TNIP2: variants seen among roughly 807,000 people sequenced by gnomAD.
The protein encoded by TNIP2 is TNFAIP3 interacting protein 2.
Under a neutral mutation model 43.7 loss-of-function variants are expected in TNIP2, and 30 were observed. That is an observed-to-expected ratio of 0.69 (90% CI 0.51 to 0.93). TNIP2 has a LOEUF of 0.93. TNIP2 is among the 40% of genes least tolerant of loss of function. The probability of loss-of-function intolerance (pLI) is 0.00; values close to 1 mark genes in which losing one functional copy is unlikely to be tolerated. For missense variants in TNIP2, 599 were observed against 591.0 expected, an observed-to-expected ratio of 1.01 and a Z score of -0.14; for synonymous variants, 260 against 254.6, an observed-to-expected ratio of 1.02 and a Z score of -0.20.
Position 2,742,358 on chromosome 4 carries a change from G to A in TNIP2, c.1189C>T (p.Gln397Ter). ...PAEGGHPGAA[Q>*]RGQGDLQCPH... is the part of the protein sequence containing the mutation. ...CACTGAAGGTCCCCCTGGCCTCTCT[G>A]GGCCGCGCCAGGATGCCCGCCCTCT... The change falls in exon 6 of 6, where the codon CAG (glutamine) becomes TAG (stop). Residue 397 changes from glutamine (Q) to a stop codon, truncating the protein, a stop_gained. Transcript: ENST00000315423. LOFTEE classifies it high-confidence loss of function. 1 of 1,599,294 alleles carries A rather than the reference G, an allele frequency of 6.3e-7. No individual in the cohort carries two copies. Among genetic ancestry groups the A allele is most frequent in the East Asian group, 2.3e-5 (1 of 43,998 alleles).
rs1354981294 is a variant in TNIP2, at chr4:2,744,035, G to A, written c.1026+352C>T. ...ATCACATCTACATGACAAGGTAAGCGGGGTTCCCGTCTCACAGACAGGTCA... is the reference window on the plus strand; with the variant it reads ...ATCACATCTACATGACAAGGTAAGCAGGGTTCCCGTCTCACAGACAGGTCA... On this transcript the variant is annotated intron_variant, in intron 5 of 5. Coordinates refer to ENST00000315423, the MANE Select transcript of TNIP2 (RefSeq NM_024309.4). This position sits in a 1 kb window ranked among gnomAD's most constrained non-coding sequence, Gnocchi z 5.1. Among the ~76,000 whole-genome samples, 4 of 152,204 alleles carry A rather than the reference G, an allele frequency of 2.6e-5. No individual in the cohort carries two copies. The highest frequency in any genetic ancestry group is 4.4e-5 in the Non-Finnish European group (3 of 68,038).
chr4:2,750,261 C>T (rs2109489657), intron 1 of TNIP2, among the ~76,000 whole-genome samples: 1 of 152,254 alleles, frequency 6.6e-6, no homozygotes, highest in East Asian at 1.9e-4. Context: ...GGAGCCCAAG[C>T]TTCCCCCAGA....
chr4:2,743,068 T>C (rs1255610381), intron 5 of TNIP2, among the ~76,000 whole-genome samples: 1 of 152,186 alleles, frequency 6.6e-6, no homozygotes, highest in African/African-American at 2.4e-5. Flanking sequence ...CTGCAGCCTG[T>C]GGCCCTCACT....
chr4:2,747,838 C>T lies in TNIP2; in HGVS notation c.384G>A (p.Arg128=). 6.2e-7 allele frequency: 1 copy of T among 1,613,758 alleles called. No individual in the cohort carries two copies. Among genetic ancestry groups the T allele is most frequent in the Non-Finnish European group, 8.5e-7 (1 of 1,180,048 alleles). The change falls in exon 2 of 6, where the codon AGG becomes AGA. Residue 128 remains arginine, a synonymous_variant. Transcript: ENST00000315423. The part of the protein sequence containing the change: ...EREKEVVLLR[R]SMAEGERARA... ...GGGCGCGCTCCCCTTCTGCCATGCT[C>T]CTCCGTAGCAGGACGACTTCCTTCT... is the stretch of plus-strand genomic sequence containing the variant.
Position 2,742,157 on chromosome 4 carries a change from T to C in TNIP2, c.*100A>G. On this transcript the variant is annotated 3_prime_UTR_variant, in exon 6 of 6. Transcript: ENST00000315423. The stretch of plus-strand genomic sequence containing the variant: ...CCGCAACTATTCTAGGGGCCTTGGC[T>C]CTCAGTAGAGCTCAACCCATGGCAT... 2.5e-6 allele frequency: 3 copies of C among 1,216,612 alleles called. No homozygotes were observed. The highest frequency in any genetic ancestry group is 3.2e-6 in the Non-Finnish European group (3 of 931,352). The allele number at this position is 1,216,612 out of a possible 1,614,324, so 75.4% of individuals were successfully genotyped here.
At position 2,747,759 on chromosome 4, in the gene TNIP2, G is replaced by A. The variant is rs141461185; in HGVS notation, c.463C>T (p.Arg155Trp). The A allele has an allele frequency of 1.4e-4, 230 of 1,610,476 alleles. No individual in the cohort carries two copies. Among genetic ancestry groups the A allele is most frequent in the Non-Finnish European group, 1.7e-4 (203 of 1,180,026 alleles). ...TGGGCGGTGGCGGTCAGCGTCCTCC[G>A]CAGCTGATGGGTCTCGTTGGCCAAG... Reference protein sequence around the residue: ...RSLANETHQLRRTLTATAHMC... With the variant: ...RSLANETHQLWRTLTATAHMC... The change falls in exon 2 of 6, where the codon CGG becomes TGG. Residue 155 changes from arginine to tryptophan, a missense_variant. Coordinates refer to ENST00000315423, the MANE Select transcript of TNIP2 (RefSeq NM_024309.4).
chr4:2,751,717 G>A (rs370146392), intron 1 of TNIP2, among the ~76,000 whole-genome samples: 1 of 152,078 alleles, frequency 6.6e-6, no homozygotes, highest in South Asian at 2.1e-4. Flanking sequence ...AGGCTGCAGT[G>A]AGCTATGATC....
chr4:2,742,107 G>T lies in TNIP2; in HGVS notation c.*150C>A. The T allele has an allele frequency of 1.3e-6, 1 of 760,542 alleles. No individual in the cohort carries two copies. Among genetic ancestry groups the T allele is most frequent in the Non-Finnish European group, 1.9e-6 (1 of 537,294 alleles). 47.1% of individuals were successfully genotyped at this position (760,542 alleles called of 1,614,324 possible). A position where few individuals can be genotyped will look rare whatever the true frequency, so the allele number is the denominator to read the frequency against. ...ACCCAGCCTGTTCCATAGCCAAAGG[G>T]ACCAAAGTGAACGATCAGAGTGCCC... On this transcript the variant is annotated 3_prime_UTR_variant, in exon 6 of 6. Transcript: ENST00000315423.
At position 2,744,745 on chromosome 4, in the gene TNIP2, C is replaced by G; in HGVS notation, c.858G>C (p.Arg286Ser). The change falls in exon 4 of 6, where the codon AGG becomes AGC. Residue 286 changes from arginine (R) to serine (S), a missense_variant. Transcript: ENST00000315423. This position sits in a 1 kb window ranked among gnomAD's most constrained non-coding sequence, Gnocchi z 5.1. Reference protein sequence around the residue: ...AEVKQELAASRTARDAALERV... With the variant: ...AEVKQELAASSTARDAALERV... ...GCTCCAACGCAGCATCCCGGGCCGT[C>G]CTGGAGGCCGCCAGCTCCTGCTTCA... 4 of 1,608,220 alleles carry G rather than the reference C, an allele frequency of 2.5e-6. No individual in the cohort carries two copies. The highest frequency in any genetic ancestry group is 3.4e-6 in the Non-Finnish European group (4 of 1,180,018).
At chr4:2,753,498 A>T (rs1033901344) in intron 1 of TNIP2, among the ~76,000 whole-genome samples, 1 of 152,204 alleles carries the variant, frequency 6.6e-6, no homozygotes, top group Non-Finnish European at 1.5e-5. Context: ...TGTTGGGAAG[A>T]CAGGACCAGG....
chr4:2,756,124 C>A lies in TNIP2; in HGVS notation c.166G>T (p.Glu56Ter). 1 of 1,475,548 alleles carries A rather than the reference C, an allele frequency of 6.8e-7. No homozygotes were observed. 91.4% of individuals were successfully genotyped at this position (1,475,548 alleles called of 1,614,324 possible). A position where few individuals can be genotyped will look rare whatever the true frequency, so the allele number is the denominator to read the frequency against. ...ACTAGGGACGGCGCGGCGTCCCCCT[C>A]CAGCGCGGCCAGGCGGGCGCGGAGG... ...ARLRARLAAL[E>*]GDAAPSLVDA... Residue 56 changes from glutamate (E) to a stop codon, truncating the protein, a stop_gained, in exon 1 of 6, where the codon GAG (glutamate) becomes TAG (stop). Coordinates refer to ENST00000315423, the MANE Select transcript of TNIP2 (RefSeq NM_024309.4). LOFTEE classifies it high-confidence loss of function.
intron 2 of TNIP2, among the ~76,000 whole-genome samples, chr4:2,746,540 G>A (rs1221547845): frequency 6.6e-6 from 1 of 152,234 alleles, no homozygotes; most frequent in South Asian, 2.1e-4. Context: ...CCTCTCTGAG[G>A]TTCCCCGCCT....
In TNIP2 at chr4:2,744,599, G is replaced by T; in HGVS notation, c.907-93C>A. On this transcript the variant is annotated intron_variant, in intron 4 of 5. Transcript: ENST00000315423. This position sits in a 1 kb window ranked among gnomAD's most constrained non-coding sequence, Gnocchi z 5.1. ...CCCCACAGTGACCACTGCCCACTCA[G>T]TGCCACCAAGCCTTCAGCCCAGCCT... is the stretch of plus-strand genomic sequence containing the variant. 2 of 1,596,002 alleles carry T rather than the reference G, an allele frequency of 1.3e-6. No homozygotes were observed. The highest frequency in any genetic ancestry group is 1.7e-6 in the Non-Finnish European group (2 of 1,172,690).
intron 1 of TNIP2, among the ~76,000 whole-genome samples, chr4:2,750,654 G>A (rs559410285): frequency 6.6e-6 from 1 of 150,440 alleles, no homozygotes; most frequent in African/African-American, 2.4e-5. Context: ...AGGGATAAAG[G>A]ACTTTGAGCA....
chr4:2,756,232 G>A lies in TNIP2; in HGVS notation c.58C>T (p.Leu20Phe). The change falls in exon 1 of 6, where the codon CTC becomes TTC. Residue 20 changes from leucine (L) to phenylalanine (F), a missense_variant. Transcript: ENST00000315423. Reference protein sequence around the residue: ...WEEAPRAAAALCTLYHEAGQR... With the variant: ...WEEAPRAAAAFCTLYHEAGQR... The stretch of plus-strand genomic sequence containing the variant: ...CCGGCCTCGTGGTACAGGGTGCAGA[G>A]CGCGGCAGCTGCGCGCGGGGCCTCC... 6.9e-7 allele frequency: 1 copy of A among 1,459,694 alleles called. No individual in the cohort carries two copies. Among genetic ancestry groups the A allele is most frequent in the Non-Finnish European group, 9.0e-7 (1 of 1,112,510 alleles). The allele number at this position is 1,459,694 out of a possible 1,614,324, so 90.4% of individuals were successfully genotyped here. A position where few individuals can be genotyped will look rare whatever the true frequency, so the allele number is the denominator to read the frequency against.
Position 2,747,973 on chromosome 4 carries a change from T to C in TNIP2, c.277-28A>G, listed in dbSNP as rs985538952. 5 of 1,601,002 alleles carry C rather than the reference T, an allele frequency of 3.1e-6. No homozygotes were observed. The African/African-American group carries it at 5.4e-5, about 17-fold the overall frequency. On this transcript the variant is annotated intron_variant, in intron 1 of 5. Transcript: ENST00000315423. ...AAGTGGAAGATTTAAAAGCACAGTT[T>C]ACTGAATTAAAAGAAGCAGTGTCAA... is the stretch of plus-strand genomic sequence containing the variant.
At chr4:2,742,634 C>T in intron 5 of TNIP2, 114 bp from the exon 6 acceptor site, 1 of 1,204,056 alleles carries the variant, frequency 8.3e-7, no homozygotes, top group Non-Finnish European at 1.1e-6. Flanking sequence ...ACTTCAGCCC[C>T]TCACTTTGCT....
Position 2,746,478 on chromosome 4 carries a change from C to T in TNIP2, c.568-943G>A, listed in dbSNP as rs369734419. On this transcript the variant is annotated intron_variant, in intron 2 of 5. Transcript: ENST00000315423. ...GTGACTCAAAATCAGACCAGAACAC[C>T]CTGCCTCCGCCCAGACGGCACTTTT... is the stretch of plus-strand genomic sequence containing the variant. Among the ~76,000 whole-genome samples, 11 of 152,300 alleles carry T rather than the reference C, an allele frequency of 7.2e-5. No individual in the cohort carries two copies. In the East Asian group the frequency reaches 1.7e-3, roughly 24 times the overall value.
intron 1 of TNIP2, among the ~76,000 whole-genome samples, chr4:2,754,335 G>GT (rs1293089087): frequency 3.9e-5 from 6 of 152,268 alleles, no homozygotes; most frequent in Non-Finnish European, 1.5e-5. Flanking sequence ...TTATACTGCT[G>GT]TTGTGGTGTT....
Sources: allele counts gnomAD v4.1 joint callset (sites outside exome capture counted in the v4.1 genomes callset), GRCh38; gene constraint gnomAD v4.1.1; non-coding constraint Gnocchi (gnomAD v3.1); transcripts MANE v1.5; gene names NCBI Gene and HGNC (gene_info 2026-07-23, HGNC 2026-07-21).